ARL8B: variants seen among roughly 807,000 people sequenced by gnomAD.
ARL8B encodes ADP-ribosylation factor-like protein 8B.
A neutral mutation model predicts 30.6 loss-of-function variants in ARL8B; 9 were observed. The observed-to-expected ratio is 0.29, with a 90% CI of 0.18 to 0.51. ARL8B has a LOEUF of 0.51. ARL8B is among the 20% of genes least tolerant of loss of function. The probability of loss-of-function intolerance (pLI) is 0.97; values close to 1 mark genes in which losing one functional copy is unlikely to be tolerated. For synonymous variants in ARL8B, 74 were observed against 76.0 expected (o/e 0.97, Z 0.14); for missense variants, 130 against 227.2 (o/e 0.57, Z 2.75).
intron 1 of ARL8B, among the ~76,000 whole-genome samples, chr3:5,145,427 C>T (rs2054410560): frequency 6.6e-6 from 1 of 152,176 alleles, no homozygotes; most frequent in Admixed American, 6.5e-5. Flanking sequence ...TTTCGACTCT[C>T]CTCTACCAGC....
chr3:5,131,062 G>A (rs1300532033), intron 1 of ARL8B, among the ~76,000 whole-genome samples: 3 of 151,986 alleles, frequency 2.0e-5, no homozygotes, highest in Middle Eastern at 3.2e-3. Context: ...ACAGGCACCC[G>A]CCACCACGCC....
At chr3:5,148,103 TC>T (rs1054258155) in intron 1 of ARL8B, among the ~76,000 whole-genome samples, 14 of 151,948 alleles carry the variant, frequency 9.2e-5, no homozygotes, top group Non-Finnish European at 2.1e-4. Context: ...TCTTAATCAT[TC>T]CCCTTTCTTC....
intron 1 of ARL8B, among the ~76,000 whole-genome samples, chr3:5,150,599 A>G (rs1218672814): frequency 6.6e-6 from 1 of 151,946 alleles, no homozygotes. Context: ...CCTGGCCAAC[A>G]TGGTGAAACC....
At chr3:5,167,101 G>C (rs1213226025) in intron 1 of ARL8B, among the ~76,000 whole-genome samples, 1 of 152,140 alleles carries the variant, frequency 6.6e-6, no homozygotes, top group African/African-American at 2.4e-5. Flanking sequence ...CCCTGACTTT[G>C]AGAATAATCT....
At chr3:5,167,240 T>A (rs1160219431) in intron 1 of ARL8B, among the ~76,000 whole-genome samples, 1 of 152,212 alleles carries the variant, frequency 6.6e-6, no homozygotes, top group African/African-American at 2.4e-5. Flanking sequence ...CATCACAGAA[T>A]CACAGCGAGT....
chr3:5,148,540 A>G (rs1251309614), intron 1 of ARL8B, among the ~76,000 whole-genome samples: 1 of 152,088 alleles, frequency 6.6e-6, no homozygotes, highest in Non-Finnish European at 1.5e-5. Flanking sequence ...CATGCGTGAT[A>G]GGTGGTTCCA....
chr3:5,163,853 G>A (rs1347221318), intron 1 of ARL8B, among the ~76,000 whole-genome samples: 1 of 152,180 alleles, frequency 6.6e-6, no homozygotes, highest in African/African-American at 2.4e-5. Flanking sequence ...CTGGGCGACA[G>A]GAGCAAAACT....
intron 1 of ARL8B, chr3:5,128,733 A>G (rs930601911): frequency 1.0e-5 from 2 of 192,288 alleles, no homozygotes; most frequent in African/African-American, 4.8e-5. Context: ...AAAGAATAGT[A>G]TAAGGTAGAA....
intron 1 of ARL8B, among the ~76,000 whole-genome samples, chr3:5,164,854 C>T (rs1327039926): frequency 6.6e-6 from 1 of 152,124 alleles, no homozygotes; most frequent in Non-Finnish European, 1.5e-5. Flanking sequence ...CTCTGTTAGT[C>T]TGAAACATTT....
In ARL8B at chr3:5,123,712, AATAGGTAACTT is replaced by A. The variant is rs539737607; in HGVS notation, c.123+1125_123+1135del. On this transcript the variant is annotated intron_variant, in intron 1 of 6. Coordinates refer to ENST00000256496, the MANE Select transcript of ARL8B (RefSeq NM_018184.3). Reference sequence around the variant, plus strand: ...CAAACACAGCTTTCATGTTTGAGAAAATAGGTAACTTGTGATTCTTAGTCCTTGCACTAATA... The same window carrying A: ...CAAACACAGCTTTCATGTTTGAGAAAGTGATTCTTAGTCCTTGCACTAATA... Among the ~76,000 whole-genome samples, 7 of 152,324 alleles carry A rather than the reference AATAGGTAACTT, an allele frequency of 4.6e-5. No individual in the cohort carries two copies. In the South Asian group the frequency reaches 1.5e-3, roughly 32 times the overall value.
intron 1 of ARL8B, among the ~76,000 whole-genome samples, chr3:5,147,876 C>G (rs1279742852): frequency 6.7e-6 from 1 of 150,190 alleles, no homozygotes; most frequent in Non-Finnish European, 1.5e-5. Flanking sequence ...AGGGAATTTT[C>G]TCTTTTTCTT....
rs116357848 is a variant in ARL8B, at chr3:5,161,512, T to C, written c.124-8991T>C. Reference sequence around the variant, plus strand: ...CTGTTTGTTTGCCTCATCTAAAGGCTAGCTGTTCGGGAGCAGGAAAGAAGA... The same window carrying C: ...CTGTTTGTTTGCCTCATCTAAAGGCCAGCTGTTCGGGAGCAGGAAAGAAGA... On this transcript the variant is annotated intron_variant, in intron 1 of 6. Coordinates refer to ENST00000256496, the MANE Select transcript of ARL8B (RefSeq NM_018184.3). Among the ~76,000 whole-genome samples the C allele has an allele frequency of 8.4e-3, 1,272 of 152,300 alleles. 15 individuals carry two copies. The highest frequency in any genetic ancestry group is 0.028 in the African/African-American group (1,183 of 41,556).
chr3:5,174,461 G>A (rs1477426604), intron 6 of ARL8B, 47 bp downstream of exon 6: 1 of 1,186,372 alleles, frequency 8.4e-7, no homozygotes, highest in Admixed American at 1.7e-5. Context: ...TCATTGGAAG[G>A]AATGTCTATG....
At chr3:5,169,884 G>T (rs567471884) in intron 1 of ARL8B, among the ~76,000 whole-genome samples, 1 of 152,184 alleles carries the variant, frequency 6.6e-6, no homozygotes, top group East Asian at 1.9e-4. Flanking sequence ...TTCGAGTTCT[G>T]TATAGGAAGT....
At chr3:5,167,318 T>C (rs1421477569) in intron 1 of ARL8B, among the ~76,000 whole-genome samples, 2 of 152,176 alleles carry the variant, frequency 1.3e-5, no homozygotes, top group African/African-American at 2.4e-5. Context: ...TTATCCATGG[T>C]TTTGCTTTCC....
intron 6 of ARL8B, 60 bp downstream of exon 6, chr3:5,174,474 T>G: frequency 9.2e-7 from 1 of 1,085,480 alleles, no homozygotes; most frequent in Non-Finnish European, 1.4e-6. Flanking sequence ...TGTCTATGCT[T>G]CTTACAGCTT....
intron 1 of ARL8B, among the ~76,000 whole-genome samples, chr3:5,127,866 C>T (rs2054245833): frequency 8.6e-6 from 1 of 116,374 alleles, no homozygotes; most frequent in Non-Finnish European, 1.7e-5. Context: ...GAGCGAGACT[C>T]CGTCTCAAAA....
In ARL8B at chr3:5,159,297, C is replaced by CAAA. The variant is rs56033027; in HGVS notation, c.124-11185_124-11183dup. On this transcript the variant is annotated intron_variant, in intron 1 of 6. Coordinates refer to ENST00000256496, the MANE Select transcript of ARL8B (RefSeq NM_018184.3). ...CTTGGGTGACAGAGTGACTCTGTCT[C>CAAA]AAAAAAAAAAAAAAAAAAAAAAATG... Among the ~76,000 whole-genome samples, 55 of 53,000 alleles carry CAAA rather than the reference C, an allele frequency of 1.0e-3. 1 individual carries two copies. Among genetic ancestry groups the CAAA allele is most frequent in the African/African-American group, 3.4e-3 (44 of 12,808 alleles). The allele number at this position is 53,000 out of a possible 152,430, so 34.8% of individuals were successfully genotyped here. A position where few individuals can be genotyped will look rare whatever the true frequency, so the allele number is the denominator to read the frequency against.
intron 1 of ARL8B, among the ~76,000 whole-genome samples, chr3:5,136,037 C>G (rs2054322809): frequency 6.6e-6 from 1 of 151,756 alleles, no homozygotes; most frequent in African/African-American, 2.4e-5. Flanking sequence ...GTCCACCCGC[C>G]TCGGCCTCCC....
Sources: gnomAD v4.1 joint callset for allele counts (sites outside exome capture counted in the v4.1 genomes callset) on GRCh38, gnomAD v4.1.1 for gene constraint, MANE v1.5 for transcripts, NCBI Gene and HGNC (gene_info 2026-07-23, HGNC 2026-07-21) for gene names.